The following KCNH1 variants were observed in gnomAD, a reference collection of about 807,000 sequenced individuals.
The protein encoded by KCNH1 is potassium voltage-gated channel subfamily H member 1.
In KCNH1, 27 loss-of-function variants were observed where a neutral mutation model predicts 69.2. That is an observed-to-expected ratio of 0.39 (90% CI 0.29 to 0.54). The LOEUF (loss-of-function observed/expected upper bound fraction) is 0.54, where lower values mean the gene tolerates loss of function less well. Among genes scored for constraint, KCNH1 ranks in the 20% least tolerant of loss-of-function variants. The pLI is 0.68. For synonymous variants in KCNH1, 456 were observed against 487.7 expected (o/e 0.93, Z 0.86); for missense variants, 798 against 1,261.6 (o/e 0.63, Z 5.57).
rs527475820 is a variant in KCNH1, at chr1:210,857,950, A to C, written c.1463-53784T>G. On this transcript the variant is annotated intron_variant, in intron 7 of 10. Transcript: ENST00000271751. ...AAGATCAGATACCACAATCAACAAG[A>C]GGGGTAGAAGGGATGAGGAAGGGGG... Among the ~76,000 whole-genome samples, 12 of 152,250 alleles carry C rather than the reference A, an allele frequency of 7.9e-5. 1 individual carries two copies. In the South Asian group the frequency reaches 2.5e-3, roughly 32 times the overall value.
intron 5 of KCNH1, 46 bp downstream of exon 5, chr1:211,082,734 A>C (rs1306313839): frequency 1.4e-6 from 2 of 1,463,620 alleles, no homozygotes; most frequent in African/African-American, 2.8e-5. Context: ...CAGCCCATGC[A>C]CCCCCTAAAA....
rs114591342 is a variant in KCNH1 at position 210,876,095 on chromosome 1, C to T, written c.1462+43545G>A. The stretch of plus-strand genomic sequence containing the variant: ...AAAATTTGGGAAGGTTGCAAGCAAA[C>T]GTCCAAGAGTTTTCAGAGCACTTAA... On this transcript the variant is annotated intron_variant, in intron 7 of 10. Coordinates refer to ENST00000271751, the MANE Select transcript of KCNH1 (RefSeq NM_172362.3). Among the ~76,000 whole-genome samples, 600 of 152,230 alleles carry T rather than the reference C, an allele frequency of 3.9e-3. 6 individuals carry two copies. Among genetic ancestry groups the T allele is most frequent in the African/African-American group, 0.014 (572 of 41,558 alleles).
rs184324914 is a variant in KCNH1 at position 210,681,863 on chromosome 1, C to T, written c.*1418G>A. On this transcript the variant is annotated 3_prime_UTR_variant, in exon 11 of 11. Transcript: ENST00000271751. ...TCTCTAGGGCATATGCCCCGGCCAG[C>T]TCCACTGTGCCTGGAAGAGACTTCA... 7.9e-5 allele frequency: 12 copies of T among 152,354 alleles called. No homozygotes were observed. The highest frequency in any genetic ancestry group is 2.9e-4 in the African/African-American group (12 of 41,576). The allele number at this position is 152,354 out of a possible 1,614,324, so 9.4% of individuals were successfully genotyped here.
At chr1:211,129,070 G>A (rs1011133315) in intron 1 of KCNH1, among the ~76,000 whole-genome samples, 1 of 152,176 alleles carries the variant, frequency 6.6e-6, no homozygotes, top group Non-Finnish European at 1.5e-5. Flanking sequence ...AGTGGAAAAT[G>A]AATTGTATAG....
intron 6 of KCNH1, among the ~76,000 whole-genome samples, chr1:210,941,267 C>A (rs949247195): frequency 6.6e-6 from 1 of 152,202 alleles, no homozygotes; most frequent in Non-Finnish European, 1.5e-5. Context: ...ACATTCCCCC[C>A]ACAAACATAA....
chr1:210,702,389 T>C (rs1681802963), intron 10 of KCNH1, among the ~76,000 whole-genome samples: 2 of 152,204 alleles, frequency 1.3e-5, no homozygotes, highest in Non-Finnish European at 2.9e-5. Context: ...TTTATTACCT[T>C]CCTCCTCCCC....
chr1:210,757,710 C>G (rs12022273), intron 10 of KCNH1, among the ~76,000 whole-genome samples: 60,133 of 152,134 alleles, frequency 0.4, 12,375 homozygotes, highest in East Asian at 0.71. Flanking sequence ...CATAGCAGAG[C>G]CACATGCCAA....
intron 10 of KCNH1, among the ~76,000 whole-genome samples, chr1:210,721,902 G>A (rs1682474772): frequency 6.6e-6 from 1 of 152,184 alleles, no homozygotes; most frequent in Non-Finnish European, 1.5e-5. Context: ...GTTCCAGGAA[G>A]AGACTACAGA....
At chr1:210,872,864 T>C (rs532134378) in intron 7 of KCNH1, among the ~76,000 whole-genome samples, 1 of 152,174 alleles carries the variant, frequency 6.6e-6, no homozygotes, top group African/African-American at 2.4e-5. Context: ...GGGACACAGA[T>C]CCAAACCATA....
At chr1:210,932,600 G>A (rs971152236) in intron 6 of KCNH1, among the ~76,000 whole-genome samples, 2 of 151,902 alleles carry the variant, frequency 1.3e-5, no homozygotes, top group African/African-American at 4.8e-5. Flanking sequence ...CCAACTACAT[G>A]CTACCTAAAA....
chr1:210,864,468 A>T (rs1437505991), intron 7 of KCNH1, among the ~76,000 whole-genome samples: 1 of 152,200 alleles, frequency 6.6e-6, no homozygotes, highest in African/African-American at 2.4e-5. Context: ...AAGGAGGAGG[A>T]AGATAGCTTC....
chr1:210,979,685 G>C (rs950887959), intron 6 of KCNH1, among the ~76,000 whole-genome samples: 17 of 152,016 alleles, frequency 1.1e-4, no homozygotes, highest in Non-Finnish European at 1.9e-4. Flanking sequence ...TCAAGCATTA[G>C]AGTGTTTTCT....
chr1:210,813,231 C>A (rs1684743668), intron 7 of KCNH1, among the ~76,000 whole-genome samples: 2 of 152,254 alleles, frequency 1.3e-5, no homozygotes, highest in South Asian at 4.1e-4. Context: ...AAGACTGCTG[C>A]CTTTTAATTG....
chr1:210,813,394 T>C (rs1386641161), intron 7 of KCNH1, among the ~76,000 whole-genome samples: 1 of 152,122 alleles, frequency 6.6e-6, no homozygotes. Context: ...ACTGACTACA[T>C]ATTTAGTGAT....
intron 10 of KCNH1, among the ~76,000 whole-genome samples, chr1:210,725,907 C>T (rs1682578972): frequency 6.6e-6 from 1 of 152,124 alleles, no homozygotes; most frequent in African/African-American, 2.4e-5. Context: ...ACTTTCTCTG[C>T]AAAGACTTCC....
intron 10 of KCNH1, among the ~76,000 whole-genome samples, chr1:210,739,978 A>G (rs889455503): frequency 7.9e-5 from 12 of 152,208 alleles, no homozygotes; most frequent in African/African-American, 2.9e-4. Context: ...AGGGGGGGAA[A>G]AAAACACAGA....
At position 211,133,664 on chromosome 1, in the gene KCNH1, T is replaced by C. The variant is rs1039258178; in HGVS notation, c.79+203A>G. Among the ~76,000 whole-genome samples, 2 of 152,062 alleles carry C rather than the reference T, an allele frequency of 1.3e-5. No homozygotes were observed. Among genetic ancestry groups the C allele is most frequent in the Non-Finnish European group, 1.5e-5 (1 of 67,986 alleles). ...AAAGGCGTCCCCAGAAGAGCTCTCCTGTTAGGATGGGGACCCATCAGACCC... is the reference window on the plus strand; with the variant it reads ...AAAGGCGTCCCCAGAAGAGCTCTCCCGTTAGGATGGGGACCCATCAGACCC... On this transcript the variant is annotated intron_variant, in intron 1 of 10. Transcript: ENST00000271751. This position sits in a 1 kb window ranked among gnomAD's most constrained non-coding sequence, Gnocchi z 5.4.
intron 10 of KCNH1, among the ~76,000 whole-genome samples, chr1:210,698,626 C>A (rs986299547): frequency 1.2e-4 from 18 of 152,240 alleles, no homozygotes; most frequent in African/African-American, 3.9e-4. Flanking sequence ...GGGAGCCCCA[C>A]GTCACCTGAT....
At chr1:211,069,085 A>C (rs1690586467) in intron 5 of KCNH1, among the ~76,000 whole-genome samples, 1 of 152,202 alleles carries the variant, frequency 6.6e-6, no homozygotes, top group Non-Finnish European at 1.5e-5. Context: ...ACAAGGCCTG[A>C]CCTCAGGAGA....
Sources: gnomAD v4.1 joint callset for allele counts (sites outside exome capture counted in the v4.1 genomes callset) on GRCh38, gnomAD v4.1.1 for gene constraint, Gnocchi (gnomAD v3.1) non-coding constraint, MANE v1.5 for transcripts, NCBI Gene and HGNC (gene_info 2026-07-23, HGNC 2026-07-21) for gene names.